The following MRPL44 variants were observed in gnomAD, a reference collection of about 807,000 sequenced individuals.
MRPL44 encodes large ribosomal subunit protein mL44.
MRPL44 carries 21 observed loss-of-function variants against 25.9 expected under a neutral mutation model. The ratio of observed to expected loss-of-function variants is 0.81; its 90% CI spans 0.58 to 1.17. The LOEUF is 1.17. Ranked by LOEUF, MRPL44 falls within the 50% of genes most tolerant of loss-of-function variation. The pLI is 0.00. For missense variants in MRPL44, 410 were observed against 398.9 expected, an observed-to-expected ratio of 1.03 and a Z score of -0.24; for synonymous variants, 169 against 151.0, an observed-to-expected ratio of 1.12 and a Z score of -0.87.
intron 2 of MRPL44, among the ~76,000 whole-genome samples, chr2:223,961,774 C>G (rs982067590): frequency 6.6e-6 from 1 of 152,088 alleles, no homozygotes; most frequent in Non-Finnish European, 1.5e-5. Context: ...TACTAGAAAG[C>G]TCTAATTATT....
At chr2:223,958,088 AT>A (rs1689599916) in intron 1 of MRPL44, among the ~76,000 whole-genome samples, 1 of 152,182 alleles carries the variant, frequency 6.6e-6, no homozygotes, top group African/African-American at 2.4e-5. Context: ...TTAGCTTTAG[AT>A]TTTTGCCCTA....
upstream of MRPL44, among the ~76,000 whole-genome samples, chr2:223,957,160 G>T (rs1689574924): frequency 6.6e-6 from 1 of 152,268 alleles, no homozygotes; most frequent in Non-Finnish European, 1.5e-5. Flanking sequence ...AACGAGAGAG[G>T]AAGGAACAAG....
chr2:223,957,766 C>A, intron 1 of MRPL44, 115 bp downstream of exon 1: 1 of 1,208,100 alleles, frequency 8.3e-7, no homozygotes, highest in Non-Finnish European at 1.1e-6. Context: ...AGGAAGTTTG[C>A]GATGGAGACA....
At chr2:223,964,023 C>T in intron 3 of MRPL44, 89 bp downstream of exon 3, 3 of 1,026,668 alleles carry the variant, frequency 2.9e-6, no homozygotes, top group Admixed American at 2.6e-5. Flanking sequence ...TCTTCACATT[C>T]CATAAGGAAT....
upstream of MRPL44, among the ~76,000 whole-genome samples, chr2:223,955,068 T>C (rs1689544704): frequency 6.6e-6 from 1 of 152,252 alleles, no homozygotes; most frequent in Non-Finnish European, 1.5e-5. Context: ...TATTGCTTAA[T>C]GTATTTTCAT....
At chr2:223,960,038 C>T (rs1477776520) in intron 2 of MRPL44, 36 bp downstream of exon 2, 4 of 1,455,464 alleles carry the variant, frequency 2.7e-6, no homozygotes, top group East Asian at 2.3e-5. Context: ...TTGAGATAGA[C>T]AGAAGGGAAA....
upstream of MRPL44, chr2:223,957,438 C>T (rs1352914685): frequency 5.0e-6 from 8 of 1,613,610 alleles, no homozygotes; most frequent in East Asian, 6.7e-5. Flanking sequence ...GGCCCGACTA[C>T]TTTCGTTCCG....
chr2:223,957,814 A>G (rs1689596029), intron 1 of MRPL44, among the ~76,000 whole-genome samples, 163 bp downstream of exon 1: 2 of 152,322 alleles, frequency 1.3e-5, no homozygotes, highest in South Asian at 4.1e-4. Flanking sequence ...GGCAAAAAAA[A>G]TGGATTTGTG....
chr2:223,966,980 CTA>C lies in MRPL44; in HGVS notation c.947_948del (p.Tyr316PhefsTer25). 5.6e-6 allele frequency: 9 copies of C among 1,614,040 alleles called. No homozygotes were observed. The highest frequency in any genetic ancestry group is 6.8e-6 in the Non-Finnish European group (8 of 1,179,946). On this transcript the variant is annotated frameshift_variant, in exon 4 of 4. Transcript: ENST00000258383. LOFTEE classifies it low-confidence loss of function (END_TRUNC). ...GFTENRRPWN[Y>X]SKPKETLRAE... Reference sequence around the variant, plus strand: ...TCACAGAAAATAGACGGCCGTGGAACTATTCCAAGCCCAAAGAAACCTTGAGA... The same window carrying C: ...TCACAGAAAATAGACGGCCGTGGAACTTCCAAGCCCAAAGAAACCTTGAGA...
chr2:223,958,121 G>C (rs1033139138), intron 1 of MRPL44, among the ~76,000 whole-genome samples: 42 of 152,236 alleles, frequency 2.8e-4, no homozygotes, highest in African/African-American at 9.9e-4. Context: ...TCTGGTAACA[G>C]GTTTGGCAGA....
At chr2:223,965,258 A>G (rs563013200) in intron 3 of MRPL44, among the ~76,000 whole-genome samples, 1 of 152,322 alleles carries the variant, frequency 6.6e-6, no homozygotes, top group South Asian at 2.1e-4. Context: ...TGTGTTTATT[A>G]TTATAAAGTT....
chr2:223,959,526 A>C lies in MRPL44; in HGVS notation c.180-8A>C. 6.3e-7 allele frequency: 1 copy of C among 1,594,028 alleles called. No homozygotes were observed. The highest frequency in any genetic ancestry group is 8.5e-7 in the Non-Finnish European group (1 of 1,171,162). On this transcript the variant is annotated splice_polypyrimidine_tract_variant and splice_region_variant and intron_variant, in intron 1 of 3. Coordinates refer to ENST00000258383, the MANE Select transcript of MRPL44 (RefSeq NM_022915.5). ...CTTTACCATCTCTTACTGTCTTTAC[A>C]TTTTCAGTTCAGAGAAGCCGAACTG...
chr2:223,963,824 G>T lies in MRPL44; in HGVS notation c.717G>T (p.Gly239=). ...FEMWKIINPM[G]LLVEELKKRN... is the part of the protein sequence containing the mutation. ...TGTGGAAGATAATAAATCCCATGGG[G>T]CTATTGGTAGAAGAACTGAAGAAAA... The change falls in exon 3 of 4, where the codon GGG becomes GGT. Residue 239 remains glycine (G), a synonymous_variant. Transcript: ENST00000258383. 1 of 1,613,752 alleles carries T rather than the reference G, an allele frequency of 6.2e-7. No homozygotes were observed. The highest frequency in any genetic ancestry group is 8.5e-7 in the Non-Finnish European group (1 of 1,179,828).
chr2:223,957,277 G>T (rs774197425), upstream of MRPL44: 2 of 633,518 alleles, frequency 3.2e-6, no homozygotes, highest in South Asian at 1.9e-5. Flanking sequence ...TAGCGCAAGC[G>T]TAGCCTCAAG....
At chr2:223,958,238 G>A (rs1689601692) in intron 1 of MRPL44, among the ~76,000 whole-genome samples, 1 of 152,100 alleles carries the variant, frequency 6.6e-6, no homozygotes. Context: ...ATGTTGTCAT[G>A]GTATTACAAA....
At chr2:223,958,307 A>G (rs1369416655) in intron 1 of MRPL44, among the ~76,000 whole-genome samples, 1 of 152,150 alleles carries the variant, frequency 6.6e-6, no homozygotes. Flanking sequence ...GCTCCATATT[A>G]TTGCCATTAA....
At chr2:223,963,965 CTT>C (rs1397579047) in intron 3 of MRPL44, 31 bp downstream of exon 3, 1 of 1,578,696 alleles carries the variant, frequency 6.3e-7, no homozygotes, top group South Asian at 1.2e-5. Flanking sequence ...AACTTTATAA[CTT>C]TGAGGAAATC....
chr2:223,960,850 A>G (rs1388056016), intron 2 of MRPL44, among the ~76,000 whole-genome samples: 4 of 152,228 alleles, frequency 2.6e-5, no homozygotes, highest in African/African-American at 9.6e-5. Flanking sequence ...AAAACTCTAA[A>G]TAATTTTTGG....
At chr2:223,953,500 A>G (rs995389799), upstream of MRPL44, among the ~76,000 whole-genome samples, 3 of 152,232 alleles carry the variant, frequency 2.0e-5, no homozygotes, top group Non-Finnish European at 4.4e-5. Flanking sequence ...AAATACTTAT[A>G]AAACTTTTCA....
Sources: allele counts gnomAD v4.1 joint callset (sites outside exome capture counted in the v4.1 genomes callset), GRCh38; gene constraint gnomAD v4.1.1; transcripts MANE v1.5; gene names NCBI Gene and HGNC (gene_info 2026-07-23, HGNC 2026-07-21).